The following B4GALNT3 variants were observed in gnomAD, a reference collection of about 807,000 sequenced individuals.
B4GALNT3 encodes beta-1,4-N-acetyl-galactosaminyltransferase 3, also known as beta-1,4-N-acetylgalactosaminyltransferase 3.
A neutral mutation model predicts 120.2 loss-of-function variants in B4GALNT3; 86 were observed. That is an observed-to-expected ratio of 0.72 (90% CI 0.60 to 0.86). The LOEUF (loss-of-function observed/expected upper bound fraction) is 0.86, where lower values mean the gene tolerates loss of function less well. Among genes scored for constraint, B4GALNT3 ranks in the 40% least tolerant of loss-of-function variants. The pLI, the probability that B4GALNT3 is intolerant of heterozygous loss-of-function variation, is 0.00. For missense variants in B4GALNT3, 1,167 were observed against 1,298.9 expected, an observed-to-expected ratio of 0.90 and a Z score of 1.56; for synonymous variants, 518 against 510.4, an observed-to-expected ratio of 1.01 and a Z score of -0.20.
chr12:513,523 T>C (rs1482671804), intron 1 of B4GALNT3, among the ~76,000 whole-genome samples: 1 of 152,242 alleles, frequency 6.6e-6, no homozygotes, highest in Non-Finnish European at 1.5e-5. Context: ...GTCACTTTTA[T>C]CACCATCTTG....
Position 460,479 on chromosome 12 carries a change from G to A in B4GALNT3, c.103G>A (p.Gly35Arg), listed in dbSNP as rs968677460. 1.9e-6 allele frequency: 3 copies of A among 1,587,274 alleles called. No homozygotes were observed. Among genetic ancestry groups the A allele is most frequent in the South Asian group, 1.1e-5 (1 of 87,526 alleles). ...GCTGGCGCTCGCCGTGGTGTCTGTG[G>A]GGCTCTGGACTCTGTATCTGGAACT... ...LLLALAVVSV[G>R]LWTLYLELVA... The change falls in exon 1 of 20, where the codon GGG becomes AGG. Residue 35 changes from glycine (G) to arginine (R), a missense_variant. By Grantham distance (125) the Gly-to-Arg change is moderately radical (BLOSUM62 -2). Coordinates refer to ENST00000266383, the MANE Select transcript of B4GALNT3 (RefSeq NM_173593.4). This position sits in a 1 kb window ranked among gnomAD's most constrained non-coding sequence, Gnocchi z 8.0.
At chr12:507,380 A>G (rs1369026068) in intron 1 of B4GALNT3, among the ~76,000 whole-genome samples, 2 of 152,144 alleles carry the variant, frequency 1.3e-5, no homozygotes, top group Non-Finnish European at 2.9e-5. Flanking sequence ...ATCATTTTAC[A>G]CTGCCCTTGG....
rs1946857404 is a variant in B4GALNT3 at position 536,203 on chromosome 12, T to A, written c.274-15T>A. 3.1e-6 allele frequency: 5 copies of A among 1,610,970 alleles called. No individual in the cohort carries two copies. Among genetic ancestry groups the A allele is most frequent in the Non-Finnish European group, 4.2e-6 (5 of 1,177,168 alleles). The stretch of plus-strand genomic sequence containing the variant: ...CTAATATTCCTACCAACTTCGTTCT[T>A]CATTCTTCCCCTAGGACCACGACAT... On this transcript the variant is annotated splice_polypyrimidine_tract_variant and intron_variant, in intron 2 of 19. Coordinates refer to ENST00000266383, the MANE Select transcript of B4GALNT3 (RefSeq NM_173593.4).
chr12:510,081 G>A (rs992933769), intron 1 of B4GALNT3, among the ~76,000 whole-genome samples: 5 of 152,146 alleles, frequency 3.3e-5, no homozygotes, highest in South Asian at 2.1e-4. Flanking sequence ...AGAAATAATC[G>A]GAACCATTCC....
chr12:551,967 A>G (rs1047497055), intron 11 of B4GALNT3, 96 bp from the exon 12 acceptor site: 20 of 951,216 alleles, frequency 2.1e-5, no homozygotes, highest in African/African-American at 1.5e-4. Context: ...TAGCAGCCCT[A>G]TGTGATCCCA....
chr12:549,857 T>C lies in B4GALNT3; in HGVS notation c.942T>C (p.Asp314=). 6.2e-7 allele frequency: 1 copy of C among 1,613,716 alleles called. No individual in the cohort carries two copies. Among genetic ancestry groups the C allele is most frequent in the Non-Finnish European group, 8.5e-7 (1 of 1,180,028 alleles). Residue 314 remains aspartate, a synonymous_variant, in exon 10 of 20, where the codon GAT becomes GAC. Coordinates refer to ENST00000266383, the MANE Select transcript of B4GALNT3 (RefSeq NM_173593.4). ...HVDSSNALPR[D]EQPPADMLRP... Reference sequence around the variant, plus strand: ...ACTCCTCCAACGCTCTTCCCAGGGATGAGCAGCCGCCCGCTGACATGCTTC... The same window carrying C: ...ACTCCTCCAACGCTCTTCCCAGGGACGAGCAGCCGCCCGCTGACATGCTTC...
intron 3 of B4GALNT3, 100 bp downstream of exon 3, chr12:536,395 T>C: frequency 2.3e-6 from 2 of 881,488 alleles, no homozygotes; most frequent in Non-Finnish European, 3.7e-6. Context: ...AGGGACCTTC[T>C]ACCGTACCTA....
chr12:479,206 C>CT (rs35451048), intron 1 of B4GALNT3, among the ~76,000 whole-genome samples: 50,468 of 150,936 alleles, frequency 0.33, 9,397 homozygotes, highest in Middle Eastern at 0.47. Flanking sequence ...ATGGCTGTGG[C>CT]TTTTTTTTTA....
chr12:478,911 G>A (rs193192028), intron 1 of B4GALNT3, among the ~76,000 whole-genome samples: 5 of 152,334 alleles, frequency 3.3e-5, no homozygotes, highest in East Asian at 1.9e-4. Context: ...CCACCCATCT[G>A]GGAAGGTGTC....
At chr12:539,452 C>T (rs1946893301) in intron 3 of B4GALNT3, among the ~76,000 whole-genome samples, 1 of 151,518 alleles carries the variant, frequency 6.6e-6, no homozygotes, top group Admixed American at 6.6e-5. Flanking sequence ...GTGGGTTGTT[C>T]ACACAGGCTT....
chr12:517,768 A>G (rs1946671288), intron 1 of B4GALNT3, among the ~76,000 whole-genome samples: 2 of 152,146 alleles, frequency 1.3e-5, no homozygotes. Context: ...CCATGGGGAA[A>G]GCATAGGAGA....
At chr12:551,384 G>A (rs1947081275) in intron 11 of B4GALNT3, among the ~76,000 whole-genome samples, 1 of 152,234 alleles carries the variant, frequency 6.6e-6, no homozygotes, top group Non-Finnish European at 1.5e-5. Context: ...CAGCTAGTGA[G>A]CCAGCAGGAC....
At chr12:528,872 C>A (rs975115331) in intron 1 of B4GALNT3, among the ~76,000 whole-genome samples, 2 of 152,238 alleles carry the variant, frequency 1.3e-5, no homozygotes, top group Non-Finnish European at 2.9e-5. Context: ...CAACCTCCTG[C>A]TCTCTAGTGG....
At position 561,422 on chromosome 12, in the gene B4GALNT3, T is replaced by C. The variant is rs1947230962; in HGVS notation, c.2968T>C (p.Trp990Arg). ...TCATTTCCATTCCAAGCGAGGCATG[T>C]GGAGCCGTCGCCAGATGAAGACGCT... ...FHHFHSKRGM[W>R]SRRQMKTL The change falls in exon 20 of 20, where the codon TGG becomes CGG. Residue 990 changes from tryptophan to arginine, a missense_variant. By Grantham distance (101) the Trp-to-Arg change is moderately radical (BLOSUM62 -3). Around this residue, in one of 3 missense-constraint regions of B4GALNT3, gnomAD observed 983 missense variants for 1,102.5 expected, o/e 0.89. Transcript: ENST00000266383. 5 of 1,613,578 alleles carry C rather than the reference T, an allele frequency of 3.1e-6. No individual in the cohort carries two copies. Among genetic ancestry groups the C allele is most frequent in the Non-Finnish European group, 4.2e-6 (5 of 1,179,976 alleles).
chr12:549,001 G>A (rs544430549), intron 9 of B4GALNT3, among the ~76,000 whole-genome samples: 1 of 152,214 alleles, frequency 6.6e-6, no homozygotes, highest in Non-Finnish European at 1.5e-5. Context: ...CATGGCCAGG[G>A]CAGAGGAAAC....
intron 1 of B4GALNT3, among the ~76,000 whole-genome samples, chr12:471,339 T>A (rs1330729671): frequency 1.3e-5 from 2 of 150,878 alleles, no homozygotes; most frequent in African/African-American, 4.9e-5. Context: ...GAGCTGATTT[T>A]GTGCCACTGC....
intron 1 of B4GALNT3, among the ~76,000 whole-genome samples, chr12:469,366 A>G (rs1460187442): frequency 6.6e-6 from 1 of 152,158 alleles, no homozygotes; most frequent in African/African-American, 2.4e-5. Flanking sequence ...ATTGGTTCCC[A>G]TCTCCTCCCT....
At position 509,222 on chromosome 12, in the gene B4GALNT3, C is replaced by G. The variant is rs150614193; in HGVS notation, c.170-25944C>G. On this transcript the variant is annotated intron_variant, in intron 1 of 19. Transcript: ENST00000266383. ...CCCCACCCCCAGCCCCCTTTGAGAGCTCAGATCCCGCCTAGGAGGGGATGG... is the reference window on the plus strand; with the variant it reads ...CCCCACCCCCAGCCCCCTTTGAGAGGTCAGATCCCGCCTAGGAGGGGATGG... Among the ~76,000 whole-genome samples, 590 of 152,360 alleles carry G rather than the reference C, an allele frequency of 3.9e-3. 4 individuals are homozygous for G. The highest frequency in any genetic ancestry group is 0.013 in the African/African-American group (553 of 41,588).
intron 1 of B4GALNT3, among the ~76,000 whole-genome samples, chr12:503,077 G>A (rs1946460172): frequency 6.6e-6 from 1 of 152,082 alleles, no homozygotes; most frequent in South Asian, 2.1e-4. Flanking sequence ...TCTTGAGTAG[G>A]AACTAGCAGC....
Sources: gnomAD v4.1 joint callset for allele counts (sites outside exome capture counted in the v4.1 genomes callset) on GRCh38, gnomAD v4.1.1 for gene constraint, gnomAD v4.1.1 regional missense constraint, Gnocchi (gnomAD v3.1) non-coding constraint, MANE v1.5 for transcripts, NCBI Gene and HGNC (gene_info 2026-07-23, HGNC 2026-07-21) for gene names.